The following C18orf63 variants were observed in gnomAD, a reference collection of about 807,000 sequenced individuals.
The protein encoded by C18orf63 is chromosome 18 open reading frame 63, also known as uncharacterized protein C18orf63.
C18orf63 carries 50 observed loss-of-function variants against 75.3 expected under a neutral mutation model. The observed-to-expected ratio is 0.66, with a 90% CI of 0.53 to 0.84. The LOEUF is 0.84. C18orf63 is among the 40% of genes least tolerant of loss of function. C18orf63 has a pLI of 0.00. For synonymous variants in C18orf63, 232 were observed against 267.6 expected, an observed-to-expected ratio of 0.87 and a Z score of 1.30; for missense variants, 732 against 800.2, an observed-to-expected ratio of 0.91 and a Z score of 1.03.
chr18:74,328,991 TA>T lies in C18orf63; in HGVS notation c.383-2del. 1 of 1,481,792 alleles carries T rather than the reference TA, an allele frequency of 6.7e-7. No individual in the cohort carries two copies. The highest frequency in any genetic ancestry group is 9.1e-7 in the Non-Finnish European group (1 of 1,097,548). The allele number at this position is 1,481,792 out of a possible 1,614,324, so 91.8% of individuals were successfully genotyped here. On this transcript the variant is annotated splice_polypyrimidine_tract_variant and splice_region_variant and intron_variant, in intron 5 of 13. Coordinates refer to ENST00000579455, the MANE Select transcript of C18orf63 (RefSeq NM_001174123.2). ...AACATGGCATATTCTATGAATTTTT[TA>T]AGGAAGAGATTTTCTTTCTCAGATG...
At chr18:74,333,090 A>G (rs1984336585) in intron 7 of C18orf63, among the ~76,000 whole-genome samples, 1 of 152,224 alleles carries the variant, frequency 6.6e-6, no homozygotes, top group Admixed American at 6.5e-5. Flanking sequence ...ATACTGGCCC[A>G]ACATGCATGA....
chr18:74,356,152 A>G (rs1984760804), intron 13 of C18orf63, among the ~76,000 whole-genome samples: 1 of 152,206 alleles, frequency 6.6e-6, no homozygotes, highest in Non-Finnish European at 1.5e-5. Context: ...TTTGTGGGGT[A>G]CAAGTGCAAC....
rs1984715419 is a variant in C18orf63, at chr18:74,353,871, G to T, written c.1604G>T (p.Ser535Ile). The stretch of plus-strand genomic sequence containing the variant: ...TCTTCTCGTGGAAAATCGACTGTGA[G>T]TTTAAACAAAAATAAGCAACTATCT... ...FPSSRGKSTV[S>I]LNKNKQLSNS... is the part of the protein sequence containing the mutation. Residue 535 changes from serine (S) to isoleucine (I), a missense_variant, in exon 12 of 14, where the codon AGT becomes ATT. Coordinates refer to ENST00000579455, the MANE Select transcript of C18orf63 (RefSeq NM_001174123.2). 1.3e-6 allele frequency: 2 copies of T among 1,535,864 alleles called. No homozygotes were observed. The highest frequency in any genetic ancestry group is 1.4e-5 in the African/African-American group (1 of 72,984).
At chr18:74,356,460 A>G (rs1984766824) in intron 13 of C18orf63, 21 bp from the exon 14 acceptor site, 1 of 152,584 alleles carries the variant, frequency 6.6e-6, no homozygotes, top group South Asian at 2.1e-4. Context: ...GTAAAAAACC[A>G]TCTGTAATTT....
At chr18:74,349,228 C>T (rs1984625300) in intron 11 of C18orf63, among the ~76,000 whole-genome samples, 1 of 152,140 alleles carries the variant, frequency 6.6e-6, no homozygotes, top group Non-Finnish European at 1.5e-5. Flanking sequence ...AATCTGGACA[C>T]TTCAAAGTGA....
At chr18:74,322,125 C>T (rs1263913733) in intron 3 of C18orf63, among the ~76,000 whole-genome samples, 2 of 152,154 alleles carry the variant, frequency 1.3e-5, no homozygotes, top group Non-Finnish European at 2.9e-5. Flanking sequence ...TTAGAGGTAG[C>T]TTGTAATACA....
intron 4 of C18orf63, among the ~76,000 whole-genome samples, chr18:74,324,567 T>A (rs1188259137): frequency 6.6e-6 from 1 of 152,182 alleles, no homozygotes; most frequent in East Asian, 1.9e-4. Context: ...ATCAATGACA[T>A]TAAATGAGGA....
intron 2 of C18orf63, among the ~76,000 whole-genome samples, chr18:74,319,113 T>TTTAAA (rs1984076526): frequency 6.6e-6 from 1 of 152,206 alleles, no homozygotes; most frequent in Non-Finnish European, 1.5e-5. Context: ...ATATGATACC[T>TTTAAA]GTTAAGGACT....
chr18:74,319,616 G>A (rs1984085791), intron 2 of C18orf63, among the ~76,000 whole-genome samples: 1 of 152,128 alleles, frequency 6.6e-6, no homozygotes, highest in Non-Finnish European at 1.5e-5. Flanking sequence ...AGTTCTTTCT[G>A]GCTTGGGAAG....
intron 11 of C18orf63, among the ~76,000 whole-genome samples, chr18:74,345,906 T>C (rs995698127): frequency 2.0e-5 from 3 of 152,014 alleles, no homozygotes; most frequent in Non-Finnish European, 4.4e-5. Context: ...GATCTGTGCA[T>C]TTCCATACAC....
intron 7 of C18orf63, 62 bp downstream of exon 7, chr18:74,331,004 TTG>T: frequency 1.6e-6 from 1 of 644,892 alleles, no homozygotes; most frequent in Non-Finnish European, 2.3e-6. Context: ...ATATTTATTA[TTG>T]TTACTAACGT....
At position 74,358,428 on chromosome 18, in the gene C18orf63, T is replaced by C. The variant is rs1984807926; in HGVS notation, c.*1981T>C. 6.6e-6 allele frequency: 1 copy of C among 152,166 alleles called. No homozygotes were observed. Among genetic ancestry groups the C allele is most frequent in the Admixed American group, 6.5e-5 (1 of 15,278 alleles). 9.4% of individuals were successfully genotyped at this position (152,166 alleles called of 1,614,324 possible). On this transcript the variant is annotated 3_prime_UTR_variant, in exon 14 of 14. Coordinates refer to ENST00000579455, the MANE Select transcript of C18orf63 (RefSeq NM_001174123.2). The stretch of plus-strand genomic sequence containing the variant: ...AGATTGTTGATTTCATATTTCATGT[T>C]CCAAGAAGAGGTTCTAGATCAAATT...
Position 74,353,618 on chromosome 18 carries a change from T to C in C18orf63, c.1351T>C (p.Ser451Pro), listed in dbSNP as rs1187850641. The C allele has an allele frequency of 6.5e-7, 1 of 1,536,194 alleles. No individual in the cohort carries two copies. The highest frequency in any genetic ancestry group is 2.0e-5 in the Admixed American group (1 of 50,990). Reference sequence around the variant, plus strand: ...ATTGTTACAAATGAACAAAAATACCTCAGTACTTGGCAGCCCAAAAAGAAA... The same window carrying C: ...ATTGTTACAAATGAACAAAAATACCCCAGTACTTGGCAGCCCAAAAAGAAA... Reference protein sequence around the residue: ...NRLLQMNKNTSVLGSPKRKQH... With the variant: ...NRLLQMNKNTPVLGSPKRKQH... The change falls in exon 12 of 14, where the codon TCA (serine) becomes CCA (proline). Residue 451 changes from serine (S) to proline (P), a missense_variant. Ser to Pro is a moderately conservative substitution (Grantham distance 74). Around this residue, in one of 3 missense-constraint regions of C18orf63, gnomAD observed 495 missense variants for 508.7 expected, o/e 0.97. Transcript: ENST00000579455.
intron 11 of C18orf63, among the ~76,000 whole-genome samples, chr18:74,352,781 C>T (rs1984689262): frequency 6.6e-6 from 1 of 152,172 alleles, no homozygotes; most frequent in African/African-American, 2.4e-5. Flanking sequence ...AGAGAGCTTA[C>T]CTTGTAATAT....
intron 11 of C18orf63, among the ~76,000 whole-genome samples, chr18:74,346,105 T>C (rs2145129053): frequency 6.6e-6 from 1 of 152,238 alleles, no homozygotes; most frequent in African/African-American, 2.4e-5. Context: ...GTTTATAACT[T>C]TATGTATGGG....
chr18:74,341,816 A>G (rs895636182), intron 8 of C18orf63, among the ~76,000 whole-genome samples: 1 of 152,132 alleles, frequency 6.6e-6, no homozygotes, highest in East Asian at 1.9e-4. Context: ...GAAATATGTC[A>G]TACATGATAA....
intron 11 of C18orf63, 43 bp from the exon 12 acceptor site, chr18:74,353,203 T>C (rs1984697275): frequency 8.2e-7 from 1 of 1,221,262 alleles, no homozygotes; most frequent in Non-Finnish European, 1.1e-6. Context: ...ATTAAGGACA[T>C]TATTAACATT....
intron 2 of C18orf63, 70 bp from the exon 3 acceptor site, chr18:74,320,443 C>A: frequency 1.9e-6 from 2 of 1,040,086 alleles, no homozygotes; most frequent in Non-Finnish European, 2.8e-6. Context: ...TATAATTCAA[C>A]ATGAGATTTG....
intron 6 of C18orf63, 118 bp from the exon 7 acceptor site, chr18:74,330,748 A>G (rs944708261): frequency 4.9e-5 from 23 of 470,258 alleles, no homozygotes; most frequent in Non-Finnish European, 8.5e-5. Context: ...CCATGTGCGG[A>G]AAAAAATCTG....
Sources: allele counts gnomAD v4.1 joint callset (sites outside exome capture counted in the v4.1 genomes callset), GRCh38; gene constraint gnomAD v4.1.1; regional missense constraint gnomAD v4.1.1; transcripts MANE v1.5; gene names NCBI Gene and HGNC (gene_info 2026-07-23, HGNC 2026-07-21).